Variants in GPR157 observed in about 807,000 individuals in gnomAD.
GPR157 encodes the protein G protein-coupled receptor 157, also known as G-protein coupled receptor 157.
GPR157 carries 16 observed loss-of-function variants against 23.5 expected under a neutral mutation model. The observed-to-expected ratio is 0.68, with a 90% CI of 0.46 to 1.04. The LOEUF (loss-of-function observed/expected upper bound fraction) is 1.04, where lower values mean the gene tolerates loss of function less well. GPR157 is among the 50% of genes least tolerant of loss of function. GPR157 has a pLI of 0.00. For synonymous variants in GPR157, 200 were observed against 221.5 expected (o/e 0.90, Z 0.86); for missense variants, 440 against 460.7 (o/e 0.96, Z 0.41).
chr1:9,112,198 A>T (rs553915512), intron 1 of GPR157, among the ~76,000 whole-genome samples: 35 of 152,312 alleles, frequency 2.3e-4, no homozygotes, highest in Non-Finnish European at 4.6e-4. Flanking sequence ...TGTGCCACAA[A>T]CAATCAGCGC....
chr1:9,127,120 G>A (rs937770098), intron 1 of GPR157, among the ~76,000 whole-genome samples: 3 of 151,862 alleles, frequency 2.0e-5, no homozygotes, highest in African/African-American at 7.3e-5. Context: ...CTCAAGCGAT[G>A]CTCCTGCCTC....
chr1:9,113,900 G>A (rs563701057), intron 1 of GPR157, among the ~76,000 whole-genome samples: 1 of 149,298 alleles, frequency 6.7e-6, no homozygotes, highest in South Asian at 2.1e-4. Flanking sequence ...CCGAGATCAC[G>A]CCACTGCACT....
intron 1 of GPR157, among the ~76,000 whole-genome samples, chr1:9,123,414 AC>A (rs1388598446): frequency 1.1e-5 from 1 of 90,064 alleles, no homozygotes; most frequent in East Asian, 2.9e-4. Context: ...TAATTTAAAT[AC>A]ATATTAAAAT....
intron 1 of GPR157, among the ~76,000 whole-genome samples, chr1:9,116,579 A>G (rs1638685182): frequency 6.7e-6 from 1 of 148,600 alleles, no homozygotes; most frequent in Non-Finnish European, 1.5e-5. Flanking sequence ...CGTCTCTACT[A>G]AAAATACAAA....
In GPR157 at chr1:9,105,719, C is replaced by T; in HGVS notation, c.598-39G>A. On this transcript the variant is annotated intron_variant, in intron 2 of 3. Transcript: ENST00000377411. The surrounding 1 kb of genome is among the most constrained non-coding windows in gnomAD (Gnocchi z 4.8). ...GCGAGGGCAGACTTGAGTGGATAGG[C>T]ACCCTCCCGCCACGTCCACCCAGGC... 2 of 1,524,270 alleles carry T rather than the reference C, an allele frequency of 1.3e-6. No individual in the cohort carries two copies. Among genetic ancestry groups the T allele is most frequent in the East Asian group, 2.3e-5 (1 of 42,992 alleles). 94.4% of individuals were successfully genotyped at this position (1,524,270 alleles called of 1,614,324 possible). A position where few individuals can be genotyped will look rare whatever the true frequency, so the allele number is the denominator to read the frequency against.
chr1:9,101,886 G>A lies in GPR157; in HGVS notation c.*2533C>T, dbSNP rs1642571008. 1 of 152,182 alleles carries A rather than the reference G, an allele frequency of 6.6e-6. No individual in the cohort carries two copies. Among genetic ancestry groups the A allele is most frequent in the African/African-American group, 2.4e-5 (1 of 41,438 alleles). 9.4% of individuals were successfully genotyped at this position (152,182 alleles called of 1,614,324 possible). A position where few individuals can be genotyped will look rare whatever the true frequency, so the allele number is the denominator to read the frequency against. ...CTATATTGTCTTTTCTCTTTTACCT[G>A]TTAATCATGTTCTCTTTTGCAGCAA... On this transcript the variant is annotated 3_prime_UTR_variant, in exon 4 of 4. Transcript: ENST00000377411.
rs375702928 is a variant in GPR157 at position 9,104,495 on chromosome 1, G to A, written c.932C>T (p.Pro311Leu). The A allele has an allele frequency of 1.1e-5, 17 of 1,613,874 alleles. No homozygotes were observed. In the South Asian group the frequency reaches 1.9e-4, roughly 18 times the overall value. Residue 311 changes from proline to leucine, a missense_variant, in exon 4 of 4, where the codon CCC becomes CTC. Coordinates refer to ENST00000377411, the MANE Select transcript of GPR157 (RefSeq NM_024980.5). ...QPPTKSPAGT[P>L]KAPAPSKPGE... is the part of the protein sequence containing the mutation. The stretch of plus-strand genomic sequence containing the variant: ...TGGCTTGGAAGGCGCGGGAGCCTTG[G>A]GAGTGCCAGCCGGGCTCTTGGTGGG...
intron 1 of GPR157, among the ~76,000 whole-genome samples, chr1:9,123,588 TA>T (rs1209581378): frequency 1.6e-4 from 4 of 25,572 alleles, no homozygotes; most frequent in African/African-American, 6.7e-4. Context: ...ATATATTTAA[TA>T]TTAATGTATA....
intron 1 of GPR157, among the ~76,000 whole-genome samples, chr1:9,116,309 T>TATAATCTAATTA (rs1466795332): frequency 1.4e-4 from 1 of 6,986 alleles, no homozygotes; most frequent in Non-Finnish European, 1.9e-4. Flanking sequence ...ATATATTATA[T>TATAATCTAATTA]TATATATAAT....
rs1638268803 is a variant in GPR157, at chr1:9,105,435, T to C, written c.792+51A>G. ...ACTGTGCTGCGGGAAGGAATCAGGC[T>C]GTGCCTCCTCTGGGGGCAGGGACGA... On this transcript the variant is annotated intron_variant, in intron 3 of 3. Transcript: ENST00000377411. This position sits in a 1 kb window ranked among gnomAD's most constrained non-coding sequence, Gnocchi z 4.8. The C allele has an allele frequency of 6.8e-7, 1 of 1,460,318 alleles. No homozygotes were observed. The highest frequency in any genetic ancestry group is 9.2e-7 in the Non-Finnish European group (1 of 1,083,640). 90.5% of individuals were successfully genotyped at this position (1,460,318 alleles called of 1,614,324 possible).
rs1252501071 is a variant in GPR157, at chr1:9,123,327, ATATTTAAT to A, written c.383+5310_383+5317del. On this transcript the variant is annotated intron_variant, in intron 1 of 3. Transcript: ENST00000377411. ...AATTTAAATATATATTAAAATATATATATTTAATTTAAATATATATATTTAATTTAAAT... is the reference window on the plus strand; with the variant it reads ...AATTTAAATATATATTAAAATATATATTAAATATATATATTTAATTTAAAT... Among the ~76,000 whole-genome samples, 39 of 29,280 alleles carry A rather than the reference ATATTTAAT, an allele frequency of 1.3e-3. 2 individuals are homozygous for A. The highest frequency in any genetic ancestry group is 3.9e-3 in the African/African-American group (36 of 9,266). 19.2% of individuals were successfully genotyped at this position (29,280 alleles called of 152,430 possible). A position where few individuals can be genotyped will look rare whatever the true frequency, so the allele number is the denominator to read the frequency against.
chr1:9,121,977 C>T (rs1638806690), intron 1 of GPR157, among the ~76,000 whole-genome samples: 1 of 152,170 alleles, frequency 6.6e-6, no homozygotes, highest in Admixed American at 6.5e-5. Context: ...CTTTAGCAGC[C>T]CCCCTATGCT....
chr1:9,121,205 G>A (rs1442226665), intron 1 of GPR157, among the ~76,000 whole-genome samples: 1 of 151,740 alleles, frequency 6.6e-6, no homozygotes, highest in Non-Finnish European at 1.5e-5. Flanking sequence ...GGTGGCGCAC[G>A]CCTGTGATCC....
chr1:9,111,397 A>AT lies in GPR157; in HGVS notation c.475dup (p.Ile159AsnfsTer47). 1.2e-6 allele frequency: 2 copies of AT among 1,614,172 alleles called. No individual in the cohort carries two copies. The highest frequency in any genetic ancestry group is 8.5e-7 in the Non-Finnish European group (1 of 1,180,024). ...GACATGGTCCTTGGCCTCCAGGTCGATCCAGCACCAGCCCACAGACACGTC... is the reference window on the plus strand; with the variant it reads ...GACATGGTCCTTGGCCTCCAGGTCGATTCCAGCACCAGCCCACAGACACGTC... On this transcript the variant is annotated frameshift_variant, in exon 2 of 4. Transcript: ENST00000377411. LOFTEE classifies it high-confidence loss of function.
At chr1:9,121,960 C>G (rs1372791552) in intron 1 of GPR157, among the ~76,000 whole-genome samples, 5 of 152,146 alleles carry the variant, frequency 3.3e-5, no homozygotes, top group African/African-American at 1.2e-4. Flanking sequence ...AATGAGCTGT[C>G]CCGACCCTTT....
Position 9,128,858 on chromosome 1 carries a change from T to G in GPR157, c.170A>C (p.Asp57Ala), listed in dbSNP as rs1365367857. Reference protein sequence around the residue: ...RRLLLFLSLADLLSAASYFYG... With the variant: ...RRLLLFLSLAALLSAASYFYG... Reference sequence around the variant, plus strand: ...GAAGTAGGAGGCGGCCGAGAGCAGGTCGGCCAGCGACAGGAAGAGCAGCAG... The same window carrying G: ...GAAGTAGGAGGCGGCCGAGAGCAGGGCGGCCAGCGACAGGAAGAGCAGCAG... The change falls in exon 1 of 4, where the codon GAC (aspartate) becomes GCC (alanine). Residue 57 changes from aspartate to alanine, a missense_variant. Physicochemically the swap from Asp to Ala is moderately radical, Grantham distance 126. Transcript: ENST00000377411. The surrounding 1 kb of genome is among the most constrained non-coding windows in gnomAD (Gnocchi z 6.3). The G allele has an allele frequency of 1.9e-6, 3 of 1,586,166 alleles. No individual in the cohort carries two copies. The highest frequency in any genetic ancestry group is 2.6e-6 in the Non-Finnish European group (3 of 1,167,322).
Position 9,105,977 on chromosome 1 carries a change from C to T in GPR157, c.598-297G>A, listed in dbSNP as rs532120437. 1.1e-4 allele frequency among the ~76,000 whole-genome samples: 16 copies of T among 152,278 alleles called. No individual in the cohort carries two copies. The South Asian group carries it at 2.9e-3, about 28-fold the overall frequency. The stretch of plus-strand genomic sequence containing the variant: ...CAGCTCATGGAAACAACAGCTTTCT[C>T]GTTGCCCAGGCCAAAGCCTTGGGGC... On this transcript the variant is annotated intron_variant, in intron 2 of 3. Transcript: ENST00000377411. This position sits in a 1 kb window ranked among gnomAD's most constrained non-coding sequence, Gnocchi z 4.8.
rs569071030 is a variant in GPR157 at position 9,103,060 on chromosome 1, G to T, written c.*1359C>A. The T allele has an allele frequency of 2.2e-5, 3 of 134,218 alleles. No homozygotes were observed. Among genetic ancestry groups the T allele is most frequent in the African/African-American group, 8.5e-5 (3 of 35,138 alleles). The allele number at this position is 134,218 out of a possible 1,614,324, so 8.3% of individuals were successfully genotyped here. ...CCTGAGTAGTAGGGACTACAGGCAC[G>T]CACCACCACATCAGCTCCGGGCGAC... On this transcript the variant is annotated 3_prime_UTR_variant, in exon 4 of 4. Transcript: ENST00000377411.
Position 9,103,157 on chromosome 1 carries a change from G to A in GPR157, c.*1262C>T, listed in dbSNP as rs1320795511. ...CTGAAGCTTAAAACCTTCACCTTTA[G>A]GAAGAAATCGTATTTGTTTGTTTGA... On this transcript the variant is annotated 3_prime_UTR_variant, in exon 4 of 4. Transcript: ENST00000377411. 6.7e-6 allele frequency: 1 copy of A among 148,532 alleles called. No homozygotes were observed. The highest frequency in any genetic ancestry group is 1.5e-5 in the Non-Finnish European group (1 of 67,384). The allele number at this position is 148,532 out of a possible 1,614,324, so 9.2% of individuals were successfully genotyped here.
Sources: gnomAD v4.1 joint callset for allele counts (sites outside exome capture counted in the v4.1 genomes callset) on GRCh38, gnomAD v4.1.1 for gene constraint, Gnocchi (gnomAD v3.1) non-coding constraint, MANE v1.5 for transcripts, NCBI Gene and HGNC (gene_info 2026-07-23, HGNC 2026-07-21) for gene names.